The following SNRK variants were observed in gnomAD, a reference collection of about 807,000 sequenced individuals.
The protein encoded by SNRK is SNF-related serine/threonine-protein kinase.
A neutral mutation model predicts 48.2 loss-of-function variants in SNRK; 3 were observed. That is an observed-to-expected ratio of 0.06 (90% confidence interval 0.03 to 0.16). The LOEUF is 0.16. Ranked by LOEUF, SNRK falls within the 10% of genes least tolerant of loss-of-function variation. The pLI is 1.00. For missense variants in SNRK, 627 were observed against 976.0 expected, an observed-to-expected ratio of 0.64 and a Z score of 4.76; for synonymous variants, 376 against 366.1, an observed-to-expected ratio of 1.03 and a Z score of -0.31.
chr3:43,332,138 C>T, intron 3 of SNRK, 31 bp from the exon 4 acceptor site: 1 of 1,469,236 alleles, frequency 6.8e-7, no homozygotes, highest in Non-Finnish European at 9.1e-7. Context: ...CTAATTAGTC[C>T]AATATTTTAA....
At chr3:43,310,325 C>T (rs143582683) in intron 3 of SNRK, among the ~76,000 whole-genome samples, 2,018 of 152,146 alleles carry the variant, frequency 0.013, 21 homozygotes, top group Non-Finnish European at 0.023. Flanking sequence ...GTGGTTTGCA[C>T]GACATGTAAT....
intron 1 of SNRK, chr3:43,289,933 T>C (rs2125610374): frequency 6.5e-6 from 1 of 152,760 alleles, no homozygotes; most frequent in South Asian, 2.1e-4. Context: ...AGTTTTGGAG[T>C]ATCTTCAGGC....
rs1467150604 is a variant in SNRK at position 43,349,966 on chromosome 3, A to AC, written c.*1410dup. The AC allele has an allele frequency of 6.6e-6, 1 of 152,176 alleles. No individual in the cohort carries two copies. The highest frequency in any genetic ancestry group is 2.4e-5 in the African/African-American group (1 of 41,420). The allele number at this position is 152,176 out of a possible 1,614,324, so 9.4% of individuals were successfully genotyped here. A position where few individuals can be genotyped will look rare whatever the true frequency, so the allele number is the denominator to read the frequency against. On this transcript the variant is annotated 3_prime_UTR_variant, in exon 7 of 7. Transcript: ENST00000296088. Reference sequence around the variant, plus strand: ...CATGTGTCTGAGGTGACGGACTGAGACGCATCTGGTCCTGTAATTCAGAGA... The same window carrying AC: ...CATGTGTCTGAGGTGACGGACTGAGACCGCATCTGGTCCTGTAATTCAGAGA...
Position 43,347,149 on chromosome 3 carries a change from T to G in SNRK, c.1080-190T>G, listed in dbSNP as rs897028596. On this transcript the variant is annotated intron_variant, in intron 6 of 6. Coordinates refer to ENST00000296088, the MANE Select transcript of SNRK (RefSeq NM_017719.5). The surrounding 1 kb of genome is among the most constrained non-coding windows in gnomAD (Gnocchi z 5.4). ...GGCCAATAAGCCACAAACTGAACCA[T>G]GTTTCAAAACCACATTTGCCCTTCT... is the stretch of plus-strand genomic sequence containing the variant. 1.9e-6 allele frequency: 1 copy of G among 534,854 alleles called. No individual in the cohort carries two copies. Among genetic ancestry groups the G allele is most frequent in the Non-Finnish European group, 3.2e-6 (1 of 315,924 alleles). The allele number at this position is 534,854 out of a possible 1,614,324, so 33.1% of individuals were successfully genotyped here. A position where few individuals can be genotyped will look rare whatever the true frequency, so the allele number is the denominator to read the frequency against.
intron 5 of SNRK, 125 bp downstream of exon 5, chr3:43,340,624 G>A: frequency 1.2e-6 from 1 of 836,084 alleles, no homozygotes. Context: ...CAAGAGTTGT[G>A]TCATTTATCT....
chr3:43,321,861 G>T (rs921733224), intron 3 of SNRK, among the ~76,000 whole-genome samples: 1 of 152,204 alleles, frequency 6.6e-6, no homozygotes, highest in African/African-American at 2.4e-5. Flanking sequence ...AAAGCCAGGT[G>T]GTTGTTACTT....
chr3:43,312,900 A>T (rs1295055173), intron 3 of SNRK, among the ~76,000 whole-genome samples: 1 of 152,224 alleles, frequency 6.6e-6, no homozygotes, highest in East Asian at 1.9e-4. Context: ...TAATGATAGA[A>T]ATCAAAGAAG....
chr3:43,345,669 T>G (rs907315455), intron 6 of SNRK, among the ~76,000 whole-genome samples: 5 of 152,134 alleles, frequency 3.3e-5, no homozygotes, highest in African/African-American at 1.2e-4. Flanking sequence ...CACTAGAGAA[T>G]GAAGTCCCAG....
At chr3:43,293,316 C>T (rs956027547) in intron 1 of SNRK, among the ~76,000 whole-genome samples, 5 of 151,976 alleles carry the variant, frequency 3.3e-5, no homozygotes, top group African/African-American at 4.8e-5. Context: ...ATTGAATATG[C>T]CTTGTTTATT....
intron 4 of SNRK, among the ~76,000 whole-genome samples, chr3:43,335,453 T>C (rs554489855): frequency 2.6e-5 from 4 of 152,236 alleles, no homozygotes; most frequent in African/African-American, 4.8e-5. Flanking sequence ...ATGGTACCAG[T>C]GTTGTTTTTG....
intron 4 of SNRK, among the ~76,000 whole-genome samples, chr3:43,338,940 T>A (rs1224609508): frequency 6.6e-6 from 1 of 152,222 alleles, no homozygotes. Flanking sequence ...ACAGTTACAT[T>A]TTACATCTGA....
intron 1 of SNRK, among the ~76,000 whole-genome samples, chr3:43,296,442 A>T (rs1381152826): frequency 1.9e-4 from 25 of 133,096 alleles, no homozygotes; most frequent in Non-Finnish European, 3.9e-4. Context: ...ATGTATATAT[A>T]TATATTTAAG....
At chr3:43,327,969 T>A (rs1024647851) in intron 3 of SNRK, among the ~76,000 whole-genome samples, 2 of 151,586 alleles carry the variant, frequency 1.3e-5, no homozygotes, top group African/African-American at 4.8e-5. Context: ...TTTTTTTTTT[T>A]AAACCAAGCC....
At chr3:43,320,826 A>T (rs1291576318) in intron 3 of SNRK, among the ~76,000 whole-genome samples, 1 of 151,836 alleles carries the variant, frequency 6.6e-6, no homozygotes, top group Non-Finnish European at 1.5e-5. Flanking sequence ...TAAGATTCTT[A>T]TATGAATTTT....
At chr3:43,330,935 T>A (rs775271252) in intron 3 of SNRK, among the ~76,000 whole-genome samples, 117 of 152,228 alleles carry the variant, frequency 7.7e-4, no homozygotes, top group Non-Finnish European at 1.4e-3. Flanking sequence ...TATTAAAAAA[T>A]CACATTGTAT....
intron 1 of SNRK, among the ~76,000 whole-genome samples, chr3:43,287,802 T>G (rs751137275): frequency 6.6e-6 from 1 of 152,236 alleles, no homozygotes; most frequent in Admixed American, 6.5e-5. Flanking sequence ...AGCAGTGTAC[T>G]TTAAAGCCCG....
intron 3 of SNRK, among the ~76,000 whole-genome samples, chr3:43,307,687 CTCTCTCTCTCTCTG>C (rs2090948756): frequency 6.6e-6 from 1 of 150,376 alleles, no homozygotes. Flanking sequence ...ATTCCCCCAT[CTCTCTCTCTCTCTG>C]TCTCTCTCTC....
At chr3:43,344,511 A>C (rs2091260766) in intron 6 of SNRK, among the ~76,000 whole-genome samples, 1 of 152,194 alleles carries the variant, frequency 6.6e-6, no homozygotes. Flanking sequence ...AGTTACTTGC[A>C]GTTGGCTCGC....
At chr3:43,343,321 T>C in intron 5 of SNRK, 23 bp from the exon 6 acceptor site, 1 of 1,579,864 alleles carries the variant, frequency 6.3e-7, no homozygotes. Flanking sequence ...GGCTGACGTT[T>C]GCTCTCACCT....
Sources: gnomAD v4.1 joint callset for allele counts (sites outside exome capture counted in the v4.1 genomes callset) on GRCh38, gnomAD v4.1.1 for gene constraint, Gnocchi (gnomAD v3.1) non-coding constraint, MANE v1.5 for transcripts, NCBI Gene and HGNC (gene_info 2026-07-23, HGNC 2026-07-21) for gene names.